The following GLB1 variants were observed in gnomAD, a reference collection of about 807,000 sequenced individuals.
The protein encoded by GLB1 is beta-galactosidase.
In GLB1, 56 loss-of-function variants were observed where a neutral mutation model predicts 74.0. That is an observed-to-expected ratio of 0.76 (90% CI 0.61 to 0.94). The LOEUF (loss-of-function observed/expected upper bound fraction) is 0.94. Ranked by LOEUF, GLB1 falls within the 40% of genes least tolerant of loss-of-function variation. The pLI is 0.00. For synonymous variants in GLB1, 323 were observed against 323.6 expected (o/e 1.00, Z 0.02); for missense variants, 787 against 845.5 (o/e 0.93, Z 0.86).
intron 11 of GLB1, among the ~76,000 whole-genome samples, chr3:33,023,113 T>A (rs1390113727): frequency 3.9e-5 from 6 of 152,250 alleles, no homozygotes; most frequent in Non-Finnish European, 7.3e-5. Flanking sequence ...TCATTTCTGC[T>A]CACACAATTT....
chr3:33,039,568 A>T (rs1007771133), intron 10 of GLB1, among the ~76,000 whole-genome samples: 2 of 152,178 alleles, frequency 1.3e-5, no homozygotes, highest in Non-Finnish European at 2.9e-5. Context: ...ATAAAATCTA[A>T]ACTAAAATAT....
chr3:33,025,068 C>G (rs897858725), intron 10 of GLB1, among the ~76,000 whole-genome samples: 24 of 152,116 alleles, frequency 1.6e-4, no homozygotes, highest in Non-Finnish European at 1.3e-4. Flanking sequence ...GCTTCAGCCT[C>G]CCGAGTAGCT....
intron 10 of GLB1, among the ~76,000 whole-genome samples, chr3:33,028,622 A>G (rs1697873043): frequency 6.6e-6 from 1 of 151,638 alleles, no homozygotes; most frequent in Non-Finnish European, 1.5e-5. Context: ...GTATACTCAC[A>G]TTTTCATCAA....
chr3:33,087,239 G>A (rs1216128714), intron 1 of GLB1, among the ~76,000 whole-genome samples: 9 of 151,606 alleles, frequency 5.9e-5, no homozygotes, highest in Admixed American at 5.9e-4. Flanking sequence ...AATCTATACA[G>A]ACCAATAGCT....
At chr3:33,064,823 A>G (rs1296015912) in intron 5 of GLB1, among the ~76,000 whole-genome samples, 2 of 149,410 alleles carry the variant, frequency 1.3e-5, no homozygotes, top group East Asian at 3.9e-4. Flanking sequence ...TCCTTGGTCA[A>G]TGTCCAATGA....
intron 5 of GLB1, 106 bp from the exon 6 acceptor site, chr3:33,058,375 G>C (rs1035517836): frequency 1.3e-6 from 2 of 1,513,068 alleles, no homozygotes; most frequent in African/African-American, 2.8e-5. Context: ...AGATGACAAG[G>C]CTTAATGACT....
At chr3:33,096,425 G>A in intron 1 of GLB1, 2 of 979,036 alleles carry the variant, frequency 2.0e-6, no homozygotes, top group Non-Finnish European at 2.4e-6. Context: ...ACCCCCAAAC[G>A]CCGAAGGAAA....
At chr3:32,972,415 G>A in the GLB1 span, among the ~76,000 whole-genome samples, 32 of 152,172 alleles carry the variant, frequency 2.1e-4, no homozygotes, top group Admixed American at 3.3e-4. Context: ...GTTCAAGTTA[G>A]CCCATGTTCC....
chr3:33,002,351 T>TCCCTCCCTG (rs1275180428), intron 15 of GLB1, among the ~76,000 whole-genome samples: 1 of 24,754 alleles, frequency 4.0e-5, no homozygotes, highest in Admixed American at 4.4e-4. Flanking sequence ...CTCCCTCCCT[T>TCCCTCCCTG]CCTTCCTTCC....
chr3:33,066,726 A>G (rs1226132887), intron 4 of GLB1, among the ~76,000 whole-genome samples: 2 of 152,168 alleles, frequency 1.3e-5, no homozygotes, highest in Non-Finnish European at 2.9e-5. Flanking sequence ...TTTTTTCCGT[A>G]TAAAATGAAG....
At position 33,086,264 on chromosome 3, in the gene GLB1, T is replaced by C. The variant is rs570105950; in HGVS notation, c.75+10747A>G. ...CTTATTGGTCATTCTTGGAGGTTGC[T>C]GTGGTATCAGATCATTATGCTATAA... On this transcript the variant is annotated intron_variant, in intron 1 of 15. Transcript: ENST00000307363. 1.7e-4 allele frequency among the ~76,000 whole-genome samples: 26 copies of C among 152,272 alleles called. No individual in the cohort carries two copies. The East Asian group carries it at 4.6e-3, about 27-fold the overall frequency.
At chr3:33,053,967 C>T (rs1415988739) in intron 6 of GLB1, among the ~76,000 whole-genome samples, 3 of 151,960 alleles carry the variant, frequency 2.0e-5, no homozygotes, top group South Asian at 4.1e-4. Context: ...GAGCCGAGAT[C>T]GTGCCACTGC....
chr3:32,982,993 G>A, the GLB1 span, among the ~76,000 whole-genome samples: 1 of 151,954 alleles, frequency 6.6e-6, no homozygotes. Context: ...CCACTCCCTT[G>A]AAGTGGCAGT....
intron 15 of GLB1, among the ~76,000 whole-genome samples, chr3:33,001,370 A>G (rs1159370857): frequency 6.6e-6 from 1 of 151,978 alleles, no homozygotes; most frequent in Non-Finnish European, 1.5e-5. Context: ...GATGTGCATC[A>G]CCACACACAG....
chr3:33,034,444 C>T (rs1698185314), intron 10 of GLB1: 1 of 733,062 alleles, frequency 1.4e-6, no homozygotes, highest in Non-Finnish European at 2.5e-6. Context: ...TCAAGGATGG[C>T]CAGTGGAAGG....
intron 15 of GLB1, among the ~76,000 whole-genome samples, chr3:33,011,792 T>A (rs1697041072): frequency 6.6e-6 from 1 of 152,220 alleles, no homozygotes; most frequent in South Asian, 2.1e-4. Flanking sequence ...GCTATTAACA[T>A]AATTTTCTCC....
chr3:32,992,553 GCCA>G (rs1043100660), downstream of GLB1, among the ~76,000 whole-genome samples: 3 of 152,196 alleles, frequency 2.0e-5, no homozygotes, highest in African/African-American at 2.4e-5. Context: ...CCACAAGGTG[GCCA>G]CCACATTTAG....
chr3:33,088,532 CCATATATAAAAGCAT>C (rs1559419927), intron 1 of GLB1, among the ~76,000 whole-genome samples: 2 of 151,898 alleles, frequency 1.3e-5, no homozygotes, highest in African/African-American at 4.8e-5. Context: ...TCAAAAAATT[CCATATATAAAAGCAT>C]CAAAAAGAAT....
At chr3:33,087,685 AAAG>A (rs1700578259) in intron 1 of GLB1, among the ~76,000 whole-genome samples, 1 of 152,142 alleles carries the variant, frequency 6.6e-6, no homozygotes, top group Non-Finnish European at 1.5e-5. Flanking sequence ...CCAAACATTT[AAAG>A]AAGAATTAAT....
Sources: allele counts gnomAD v4.1 joint callset (sites outside exome capture counted in the v4.1 genomes callset), GRCh38; gene constraint gnomAD v4.1.1; transcripts MANE v1.5; gene names NCBI Gene and HGNC (gene_info 2026-07-23, HGNC 2026-07-21).